WDR70: variants seen among roughly 807,000 people sequenced by gnomAD.
WDR70 encodes WD repeat-containing protein 70.
In WDR70, 53 loss-of-function variants were observed where a neutral mutation model predicts 88.6. The ratio of observed to expected loss-of-function variants is 0.60; its 90% CI spans 0.48 to 0.75. The LOEUF (loss-of-function observed/expected upper bound fraction) is 0.75, where lower values mean the gene tolerates loss of function less well. Among genes scored for constraint, WDR70 ranks in the 30% least tolerant of loss-of-function variants. The pLI is 0.00. For missense variants in WDR70, 610 were observed against 823.2 expected (o/e 0.74, Z 3.17); for synonymous variants, 280 against 270.0 (o/e 1.04, Z -0.36).
At chr5:37,444,757 T>C (rs963065753) in intron 7 of WDR70, among the ~76,000 whole-genome samples, 7 of 152,232 alleles carry the variant, frequency 4.6e-5, no homozygotes, top group Non-Finnish European at 1.0e-4. Context: ...TGCCTGGTTT[T>C]GTGGAAGACA....
intron 9 of WDR70, among the ~76,000 whole-genome samples, chr5:37,596,927 C>T (rs1743718315): frequency 6.6e-6 from 1 of 152,076 alleles, no homozygotes; most frequent in South Asian, 2.1e-4. Context: ...ATAGTTATGA[C>T]TTGTTCAGAA....
intron 9 of WDR70, among the ~76,000 whole-genome samples, chr5:37,577,062 T>C (rs1460974980): frequency 2.6e-5 from 4 of 152,156 alleles, no homozygotes; most frequent in African/African-American, 9.7e-5. Context: ...AGATATTCAT[T>C]CAGTCATGAG....
rs1748342939 is a variant in WDR70, at chr5:37,379,336, C to T, written c.-32C>T. 4.3e-6 allele frequency: 7 copies of T among 1,613,278 alleles called. No homozygotes were observed. The highest frequency in any genetic ancestry group is 5.9e-6 in the Non-Finnish European group (7 of 1,179,658). On this transcript the variant is annotated 5_prime_UTR_variant, in exon 1 of 18. Coordinates refer to ENST00000265107, the MANE Select transcript of WDR70 (RefSeq NM_018034.4). ...TTCCCCTGCAGTTGTTTGGGCTGTC[C>T]CTGTGGCTGGTTCTGGGGTGTGCGG...
At chr5:37,670,078 C>T (rs561389649) in intron 10 of WDR70, among the ~76,000 whole-genome samples, 5 of 152,064 alleles carry the variant, frequency 3.3e-5, no homozygotes, top group East Asian at 1.9e-4. Context: ...TGGGGTAGTG[C>T]GAGGTTCTAA....
intron 9 of WDR70, among the ~76,000 whole-genome samples, chr5:37,527,287 A>G (rs1023275984): frequency 1.3e-5 from 2 of 152,222 alleles, no homozygotes; most frequent in Non-Finnish European, 2.9e-5. Context: ...AAACAGAGAT[A>G]TAGACCAATG....
intron 8 of WDR70, among the ~76,000 whole-genome samples, chr5:37,481,910 G>A (rs1167912206): frequency 2.0e-5 from 3 of 151,920 alleles, no homozygotes; most frequent in African/African-American, 7.3e-5. Context: ...GATCTCTAGG[G>A]AACTCTAGAA....
At chr5:37,649,465 G>A (rs1056880219) in intron 10 of WDR70, among the ~76,000 whole-genome samples, 3 of 149,802 alleles carry the variant, frequency 2.0e-5, no homozygotes, top group Non-Finnish European at 4.4e-5. Flanking sequence ...ATGGTGGGAT[G>A]AGAGCAAGGG....
intron 10 of WDR70, among the ~76,000 whole-genome samples, chr5:37,628,081 C>T (rs1744715597): frequency 6.6e-6 from 1 of 152,154 alleles, no homozygotes; most frequent in Non-Finnish European, 1.5e-5. Context: ...CATGACATCA[C>T]AGCCAGCTTA....
intron 7 of WDR70, among the ~76,000 whole-genome samples, chr5:37,446,666 T>C (rs905122069): frequency 2.6e-5 from 4 of 151,936 alleles, no homozygotes; most frequent in South Asian, 2.1e-4. Flanking sequence ...CTTTGACAAA[T>C]CTGACAAAAA....
At chr5:37,746,166 C>T (rs951011091) in intron 17 of WDR70, among the ~76,000 whole-genome samples, 5 of 152,158 alleles carry the variant, frequency 3.3e-5, no homozygotes, top group Admixed American at 2.0e-4. Context: ...TAACCTGCTC[C>T]TTATTGACTC....
chr5:37,582,416 A>G (rs1256374030), intron 9 of WDR70, among the ~76,000 whole-genome samples: 1 of 152,214 alleles, frequency 6.6e-6, no homozygotes, highest in Non-Finnish European at 1.5e-5. Context: ...AATATAACAT[A>G]AGAATGCTCT....
intron 17 of WDR70, 116 bp downstream of exon 17, chr5:37,727,161 G>A: frequency 7.9e-7 from 1 of 1,272,544 alleles, no homozygotes; most frequent in African/African-American, 1.5e-5. Flanking sequence ...ACTTAGATAT[G>A]AAAAATAGGC....
intron 2 of WDR70, among the ~76,000 whole-genome samples, chr5:37,380,837 C>G (rs759993556): frequency 6.6e-5 from 10 of 151,986 alleles, no homozygotes; most frequent in Admixed American, 6.6e-4. Flanking sequence ...TTGGTAGAGA[C>G]GAGGTTTCAC....
chr5:37,693,673 A>G (rs930618417), intron 10 of WDR70, among the ~76,000 whole-genome samples: 8 of 152,210 alleles, frequency 5.3e-5, no homozygotes, highest in African/African-American at 1.7e-4. Context: ...CTGAAACTGG[A>G]TCCCTTCCTT....
At chr5:37,670,504 AG>A (rs1406602542) in intron 10 of WDR70, among the ~76,000 whole-genome samples, 1 of 152,234 alleles carries the variant, frequency 6.6e-6, no homozygotes, top group Non-Finnish European at 1.5e-5. Context: ...TATATTGTAA[AG>A]GGGTGTGCCA....
intron 10 of WDR70, among the ~76,000 whole-genome samples, chr5:37,695,438 C>T (rs1235316835): frequency 2.6e-5 from 4 of 152,118 alleles, no homozygotes; most frequent in East Asian, 1.9e-4. Context: ...TTTGGTTTCT[C>T]ACATTTCCTA....
intron 7 of WDR70, among the ~76,000 whole-genome samples, chr5:37,473,942 T>G (rs1330767571): frequency 2.0e-5 from 3 of 152,206 alleles, no homozygotes; most frequent in Non-Finnish European, 4.4e-5. Flanking sequence ...ACAGTTTTTT[T>G]GTAATATATG....
At chr5:37,608,804 C>A (rs1744106767) in intron 10 of WDR70, among the ~76,000 whole-genome samples, 1 of 152,140 alleles carries the variant, frequency 6.6e-6, no homozygotes, top group South Asian at 2.1e-4. Context: ...AGCAGTCTCC[C>A]CACCTCAGCC....
At chr5:37,671,141 G>A (rs1204849124) in intron 10 of WDR70, among the ~76,000 whole-genome samples, 2 of 151,996 alleles carry the variant, frequency 1.3e-5, no homozygotes, top group Admixed American at 1.3e-4. Flanking sequence ...CACTAAGCTT[G>A]AAAACAGATT....
Sources: allele counts gnomAD v4.1 joint callset (sites outside exome capture counted in the v4.1 genomes callset), GRCh38; gene constraint gnomAD v4.1.1; transcripts MANE v1.5; gene names NCBI Gene and HGNC (gene_info 2026-07-23, HGNC 2026-07-21).